GLIS3: variants seen among roughly 807,000 people sequenced by gnomAD.
GLIS3 encodes the protein GLIS family zinc finger 3.
Under a neutral mutation model 78.6 loss-of-function variants are expected in GLIS3, and 53 were observed. The ratio of observed to expected loss-of-function variants is 0.67; its 90% CI spans 0.54 to 0.85. GLIS3 has a LOEUF of 0.85. GLIS3 is among the 40% of genes least tolerant of loss of function. GLIS3 has a pLI of 0.00. For missense variants in GLIS3, 1,703 were observed against 1,231.1 expected (o/e 1.38, Z -5.74); for synonymous variants, 684 against 509.9 (o/e 1.34, Z -4.60).
chr9:4,181,622 G>A (rs910764373), intron 2 of GLIS3, among the ~76,000 whole-genome samples: 3 of 152,212 alleles, frequency 2.0e-5, no homozygotes. Context: ...GCACATGCAA[G>A]TGACTTTGCT....
chr9:4,062,681 A>C (rs1291056897), intron 4 of GLIS3, among the ~76,000 whole-genome samples: 2 of 152,198 alleles, frequency 1.3e-5, no homozygotes, highest in African/African-American at 2.4e-5. Context: ...TAATCCCAGC[A>C]CTTCGGGAGG....
chr9:3,905,681 T>C (rs1823649520), intron 6 of GLIS3, among the ~76,000 whole-genome samples: 1 of 152,128 alleles, frequency 6.6e-6, no homozygotes, highest in Non-Finnish European at 1.5e-5. Flanking sequence ...GTTCTCAGGA[T>C]GGGGCACTGT....
At chr9:4,358,725 C>T in the GLIS3 span, among the ~76,000 whole-genome samples, 2 of 152,144 alleles carry the variant, frequency 1.3e-5, no homozygotes, top group African/African-American at 4.8e-5. Flanking sequence ...TGTATGTGTG[C>T]ACATATGTGT....
the GLIS3 span, among the ~76,000 whole-genome samples, chr9:4,405,332 C>A: frequency 6.9e-6 from 1 of 144,586 alleles, no homozygotes; most frequent in African/African-American, 2.6e-5. Context: ...CCAGCCTGGG[C>A]AGTAAGAGCG....
chr9:3,979,903 C>A (rs767387192), intron 4 of GLIS3, among the ~76,000 whole-genome samples: 14 of 152,096 alleles, frequency 9.2e-5, no homozygotes, highest in African/African-American at 3.4e-4. Context: ...TATATTCCAG[C>A]GGGGAGGAGC....
the GLIS3 span, among the ~76,000 whole-genome samples, chr9:4,354,924 G>C: frequency 6.6e-6 from 1 of 152,086 alleles, no homozygotes; most frequent in Non-Finnish European, 1.5e-5. Context: ...AGACCATCCT[G>C]GCTAACACGG....
At chr9:3,851,960 T>G (rs552438624) in intron 9 of GLIS3, among the ~76,000 whole-genome samples, 1 of 152,040 alleles carries the variant, frequency 6.6e-6, no homozygotes, top group Non-Finnish European at 1.5e-5. Flanking sequence ...CTAGCCAACA[T>G]GGTGAAACCC....
At chr9:3,992,602 G>T (rs1214881597) in intron 4 of GLIS3, among the ~76,000 whole-genome samples, 2 of 152,156 alleles carry the variant, frequency 1.3e-5, no homozygotes, top group Non-Finnish European at 2.9e-5. Flanking sequence ...CATTATTAAG[G>T]AGTAAACAGT....
the GLIS3 span, among the ~76,000 whole-genome samples, chr9:4,453,756 C>G: frequency 1.3e-5 from 2 of 152,142 alleles, no homozygotes; most frequent in African/African-American, 4.8e-5. Flanking sequence ...GGACAGGAAA[C>G]CAAACACTGC....
Position 4,118,867 on chromosome 9 carries a change from C to A in GLIS3, c.611G>T (p.Arg204Leu), listed in dbSNP as rs768779690. Residue 204 changes from arginine to leucine, a missense_variant, in exon 4 of 11, where the codon CGT becomes CTT. Physicochemically the swap from Arg to Leu is moderately radical, Grantham distance 102. Transcript: ENST00000381971. The surrounding 1 kb of genome is among the most constrained non-coding windows in gnomAD (Gnocchi z 4.7). ...CAAGGTCGTGGACGCCAAAGACTCA[C>A]GCGAAATAAGGGACCTGGAACAGCA... ...PPSDTRSLIS[R>L]ESLASTTLSL... The A allele has an allele frequency of 1.1e-5, 17 of 1,601,054 alleles. No homozygotes were observed. Among genetic ancestry groups the A allele is most frequent in the Non-Finnish European group, 1.4e-5 (17 of 1,179,890 alleles).
chr9:4,031,155 A>T (rs770829929), intron 4 of GLIS3, among the ~76,000 whole-genome samples: 6 of 152,218 alleles, frequency 3.9e-5, no homozygotes, highest in Non-Finnish European at 7.4e-5. Flanking sequence ...TGTTATACCC[A>T]AAAGAATTGA....
chr9:3,952,585 G>A (rs1816772450), intron 4 of GLIS3, among the ~76,000 whole-genome samples: 1 of 152,120 alleles, frequency 6.6e-6, no homozygotes, highest in African/African-American at 2.4e-5. Context: ...GAACTTGCCA[G>A]GTGCTCCATG....
intron 9 of GLIS3, among the ~76,000 whole-genome samples, chr9:3,831,393 AAG>A (rs1169956981): frequency 6.6e-6 from 1 of 152,188 alleles, no homozygotes; most frequent in Non-Finnish European, 1.5e-5. Flanking sequence ...CAAGCCCACA[AAG>A]AAATACAAAT....
chr9:4,342,974 T>C (rs1299911482), intron 2 of GLIS3, among the ~76,000 whole-genome samples: 1 of 152,218 alleles, frequency 6.6e-6, no homozygotes, highest in Non-Finnish European at 1.5e-5. Context: ...AAGTTGTTTA[T>C]CAGATCTAGG....
chr9:4,447,164 T>C, the GLIS3 span, among the ~76,000 whole-genome samples: 56 of 151,886 alleles, frequency 3.7e-4, no homozygotes, highest in Non-Finnish European at 6.0e-4. Flanking sequence ...TCTCCCACCT[T>C]AGCCTCCCAA....
chr9:4,471,439 A>G, the GLIS3 span, among the ~76,000 whole-genome samples: 2 of 152,196 alleles, frequency 1.3e-5, no homozygotes, highest in Non-Finnish European at 2.9e-5. Flanking sequence ...CAGAGCCCTC[A>G]GAAATAATAC....
At chr9:4,374,156 G>A in the GLIS3 span, among the ~76,000 whole-genome samples, 3 of 152,184 alleles carry the variant, frequency 2.0e-5, no homozygotes, top group Non-Finnish European at 2.9e-5. Context: ...GGACCTGCTT[G>A]TTGAAACTGC....
chr9:4,162,126 T>C (rs913112171), intron 2 of GLIS3, among the ~76,000 whole-genome samples: 11 of 152,126 alleles, frequency 7.2e-5, no homozygotes, highest in African/African-American at 2.7e-4. Context: ...AGATATGTGA[T>C]CTCCCATCAC....
chr9:4,285,961 G>A (rs756651231), intron 2 of GLIS3, 77 bp downstream of exon 2: 24 of 1,527,092 alleles, frequency 1.6e-5, no homozygotes, highest in Non-Finnish European at 2.1e-5. Flanking sequence ...TTTTCCATAG[G>A]ATTTGCTGGC....
Sources: allele counts gnomAD v4.1 joint callset (sites outside exome capture counted in the v4.1 genomes callset), GRCh38; gene constraint gnomAD v4.1.1; non-coding constraint Gnocchi (gnomAD v3.1); transcripts MANE v1.5; gene names NCBI Gene and HGNC (gene_info 2026-07-23, HGNC 2026-07-21).